Variants in STON2 observed in about 807,000 individuals in gnomAD.
STON2 encodes stonin 2, also known as stonin-2.
STON2 carries 29 observed loss-of-function variants against 65.7 expected under a neutral mutation model. The ratio of observed to expected loss-of-function variants is 0.44; its 90% CI spans 0.33 to 0.60. The LOEUF is 0.60. STON2 is among the 20% of genes least tolerant of loss of function. The probability of loss-of-function intolerance (pLI) is 0.03; values close to 1 mark genes in which losing one functional copy is unlikely to be tolerated. For missense variants in STON2, 1,054 were observed against 1,118.1 expected, an observed-to-expected ratio of 0.94 and a Z score of 0.82; for synonymous variants, 404 against 414.2, an observed-to-expected ratio of 0.98 and a Z score of 0.30.
chr14:81,386,793 T>C (rs1899829111), intron 3 of STON2, among the ~76,000 whole-genome samples: 1 of 152,192 alleles, frequency 6.6e-6, no homozygotes, highest in Non-Finnish European at 1.5e-5. Flanking sequence ...TTTTTTTTTC[T>C]TTTTAAATTT....
chr14:81,364,805 C>T (rs1898647362), intron 4 of STON2, among the ~76,000 whole-genome samples: 1 of 152,100 alleles, frequency 6.6e-6, no homozygotes, highest in Non-Finnish European at 1.5e-5. Context: ...TTGGAAAATG[C>T]TGGACTCTTA....
At chr14:81,273,975 C>T (rs749083563) in intron 6 of STON2, among the ~76,000 whole-genome samples, 14 of 152,312 alleles carry the variant, frequency 9.2e-5, no homozygotes, top group East Asian at 1.9e-4. Flanking sequence ...AACACCTAGA[C>T]AGCAGAGCCC....
chr14:81,402,213 T>C (rs1219765443), upstream of STON2, among the ~76,000 whole-genome samples: 1 of 152,094 alleles, frequency 6.6e-6, no homozygotes, highest in Non-Finnish European at 1.5e-5. Context: ...CCTCAGACAG[T>C]GCTGGACAGA....
chr14:81,340,055 G>A (rs1042563970), intron 4 of STON2, among the ~76,000 whole-genome samples: 2 of 152,224 alleles, frequency 1.3e-5, no homozygotes, highest in Non-Finnish European at 1.5e-5. Flanking sequence ...TCGGGAGGCT[G>A]AGGCAGGAGA....
In STON2 at chr14:81,396,102, C is replaced by A; in HGVS notation, c.165G>T (p.Val55=). The change falls in exon 3 of 8, where the codon GTG becomes GTT. Residue 55 remains valine, a synonymous_variant. Transcript: ENST00000614646. ...AATGGTCTTGAGAGCCTCCATCCAC[C>A]ACATGGTTCTCCCCGGAGGAGCTCT... The part of the protein sequence containing the change: ...QSESSSGENH[V]VDGGSQDHSH... 2.5e-6 allele frequency: 4 copies of A among 1,614,142 alleles called. No homozygotes were observed. Among genetic ancestry groups the A allele is most frequent in the Non-Finnish European group, 3.4e-6 (4 of 1,180,020 alleles).
chr14:81,300,472 A>C (rs899615215), intron 5 of STON2, among the ~76,000 whole-genome samples: 6 of 152,204 alleles, frequency 3.9e-5, no homozygotes, highest in South Asian at 2.1e-4. Flanking sequence ...TCAGTAAAAA[A>C]GTTAAAAGGC....
chr14:81,400,856 T>C (rs1900577423), upstream of STON2, among the ~76,000 whole-genome samples: 1 of 152,106 alleles, frequency 6.6e-6, no homozygotes, highest in Non-Finnish European at 1.5e-5. Context: ...CAGTTCAACC[T>C]TGTACAGAAA....
intron 5 of STON2, among the ~76,000 whole-genome samples, chr14:81,311,908 T>C (rs1007477525): frequency 6.6e-6 from 1 of 152,222 alleles, no homozygotes; most frequent in Non-Finnish European, 1.5e-5. Context: ...CAATGAGACA[T>C]GTGAGCCTTA....
chr14:81,421,953 G>C (rs1901724725), intron 2 of STON2, among the ~76,000 whole-genome samples: 1 of 152,228 alleles, frequency 6.6e-6, no homozygotes, highest in Non-Finnish European at 1.5e-5. Context: ...AAGAACCAAG[G>C]CTGGAACCCT....
intron 3 of STON2, among the ~76,000 whole-genome samples, chr14:81,377,068 G>A (rs1013777672): frequency 5.9e-5 from 9 of 152,116 alleles, no homozygotes; most frequent in Admixed American, 2.0e-4. Flanking sequence ...GTAGGTACAT[G>A]TATCCACCAC....
At chr14:81,357,107 C>G (rs1898272766) in intron 4 of STON2, among the ~76,000 whole-genome samples, 1 of 151,852 alleles carries the variant, frequency 6.6e-6, no homozygotes, top group South Asian at 2.1e-4. Flanking sequence ...TCAGAGTGAA[C>G]AGGCAACCCA....
At chr14:81,409,868 A>G (rs1228490279) in intron 2 of STON2, among the ~76,000 whole-genome samples, 1 of 152,248 alleles carries the variant, frequency 6.6e-6, no homozygotes, top group African/African-American at 2.4e-5. Context: ...CTGCTTTCCT[A>G]TCTTCACCTA....
intron 4 of STON2, among the ~76,000 whole-genome samples, chr14:81,347,440 TAAC>T (rs1474548712): frequency 1.3e-5 from 2 of 151,820 alleles, no homozygotes; most frequent in Admixed American, 6.6e-5. Flanking sequence ...ACAAGTCTCT[TAAC>T]AAAGAAAAGC....
chr14:81,402,084 T>C (rs1364278910), upstream of STON2, among the ~76,000 whole-genome samples: 2 of 152,112 alleles, frequency 1.3e-5, no homozygotes, highest in African/African-American at 4.8e-5. Context: ...TGGGGGAATA[T>C]GGAGTGAAGG....
At chr14:81,366,007 G>A (rs539344169) in intron 4 of STON2, among the ~76,000 whole-genome samples, 2 of 152,304 alleles carry the variant, frequency 1.3e-5, no homozygotes, top group South Asian at 4.1e-4. Flanking sequence ...GGAGACTCCT[G>A]TGGAGATGAG....
chr14:81,396,104 C>T lies in STON2; in HGVS notation c.163G>A (p.Val55Met). The T allele has an allele frequency of 6.2e-7, 1 of 1,614,148 alleles. No homozygotes were observed. The highest frequency in any genetic ancestry group is 8.5e-7 in the Non-Finnish European group (1 of 1,180,026). The change falls in exon 3 of 8, where the codon GTG becomes ATG. Residue 55 changes from valine (V) to methionine (M), a missense_variant. Val to Met is a conservative substitution (Grantham distance 21). Coordinates refer to ENST00000614646, the MANE Select transcript of STON2 (RefSeq NM_001394390.1). ...TGGTCTTGAGAGCCTCCATCCACCA[C>T]ATGGTTCTCCCCGGAGGAGCTCTCG... Reference protein sequence around the residue: ...QSESSSGENHVVDGGSQDHSH... With the variant: ...QSESSSGENHMVDGGSQDHSH...
upstream of STON2, among the ~76,000 whole-genome samples, chr14:81,403,286 C>T (rs1263220227): frequency 6.6e-6 from 1 of 152,192 alleles, no homozygotes; most frequent in African/African-American, 2.4e-5. Flanking sequence ...TTATCTCAGG[C>T]TTGGCTCAAC....
chr14:81,300,653 C>T (rs549085336), intron 5 of STON2, among the ~76,000 whole-genome samples: 42 of 152,244 alleles, frequency 2.8e-4, no homozygotes, highest in Admixed American at 2.4e-3. Flanking sequence ...CCTAAATACT[C>T]CCATGATAAT....
Position 81,264,945 on chromosome 14 carries a change from A to T in STON2, c.*3469T>A, listed in dbSNP as rs902996728. On this transcript the variant is annotated 3_prime_UTR_variant, in exon 8 of 8. Transcript: ENST00000614646. Reference sequence around the variant, plus strand: ...TGTAAAGTCAAAAAGCAGGCCCTAGACTCAAAAGAAAGCACAGCTCTTGAT... The same window carrying T: ...TGTAAAGTCAAAAAGCAGGCCCTAGTCTCAAAAGAAAGCACAGCTCTTGAT... 1.0e-6 allele frequency: 1 copy of T among 985,320 alleles called. No individual in the cohort carries two copies. Among genetic ancestry groups the T allele is most frequent in the Non-Finnish European group, 1.2e-6 (1 of 829,898 alleles). 61.0% of individuals were successfully genotyped at this position (985,320 alleles called of 1,614,324 possible).
Sources: allele counts gnomAD v4.1 joint callset (sites outside exome capture counted in the v4.1 genomes callset), GRCh38; gene constraint gnomAD v4.1.1; transcripts MANE v1.5; gene names NCBI Gene and HGNC (gene_info 2026-07-23, HGNC 2026-07-21).